Variants in EIF4ENIF1 observed in about 807,000 individuals in gnomAD.
EIF4ENIF1 encodes the protein eukaryotic translation initiation factor 4E nuclear import factor 1.
A neutral mutation model predicts 110.5 loss-of-function variants in EIF4ENIF1; 23 were observed. The ratio of observed to expected loss-of-function variants is 0.21; its 90% CI spans 0.15 to 0.29. EIF4ENIF1 has a LOEUF of 0.29. EIF4ENIF1 is among the 10% of genes least tolerant of loss of function. The pLI is 1.00. For synonymous variants in EIF4ENIF1, 440 were observed against 437.0 expected, an observed-to-expected ratio of 1.01 and a Z score of -0.09; for missense variants, 1,031 against 1,221.1, an observed-to-expected ratio of 0.84 and a Z score of 2.32.
rs192186061 is a variant in EIF4ENIF1 at position 31,479,803 on chromosome 22, T to C, written c.97-7886A>G. The stretch of plus-strand genomic sequence containing the variant: ...TAGCTCACTGCAGCCTCAAAACTCA[T>C]GGACTCAAGTGATCTTTCTTGCCTC... On this transcript the variant is annotated intron_variant, in intron 2 of 18. Transcript: ENST00000330125. Among the ~76,000 whole-genome samples the C allele has an allele frequency of 1.1e-4, 16 of 151,038 alleles. No individual in the cohort carries two copies. The East Asian group carries it at 1.8e-3, about 17-fold the overall frequency.
intron 10 of EIF4ENIF1, 23 bp from the exon 11 acceptor site, chr22:31,450,383 G>T: frequency 6.2e-7 from 1 of 1,601,830 alleles, no homozygotes; most frequent in South Asian, 1.1e-5. Flanking sequence ...AAAGAAAACT[G>T]GTTTTAACTT....
chr22:31,480,047 G>A (rs1212358462), intron 2 of EIF4ENIF1, among the ~76,000 whole-genome samples: 17 of 152,056 alleles, frequency 1.1e-4, no homozygotes, highest in Admixed American at 1.0e-3. Context: ...TACTGATCAC[G>A]AATGAATTCA....
intron 3 of EIF4ENIF1, among the ~76,000 whole-genome samples, chr22:31,471,356 C>T (rs1332810759): frequency 6.6e-6 from 1 of 151,456 alleles, no homozygotes; most frequent in Admixed American, 6.6e-5. Flanking sequence ...GCACTGTCGC[C>T]CAGGCTGGAG....
chr22:31,486,142 T>C (rs899769227), intron 2 of EIF4ENIF1, among the ~76,000 whole-genome samples: 1 of 151,772 alleles, frequency 6.6e-6, no homozygotes, highest in Non-Finnish European at 1.5e-5. Context: ...TGGTGGCACA[T>C]GCCTGTAATC....
Position 31,459,549 on chromosome 22 carries a change from GTCA to G in EIF4ENIF1, c.788-902_788-900del, listed in dbSNP as rs2050928295. Among the ~76,000 whole-genome samples, 3 of 152,166 alleles carry G rather than the reference GTCA, an allele frequency of 2.0e-5. No homozygotes were observed. In the South Asian group the frequency reaches 6.2e-4, roughly 32 times the overall value. On this transcript the variant is annotated intron_variant, in intron 6 of 18. Coordinates refer to ENST00000330125, the MANE Select transcript of EIF4ENIF1 (RefSeq NM_019843.4). ...TTGCTACCTTCTCTATAATCCTTATGTCATCTCTGAGTACTTGTCACACTGTAT... is the reference window on the plus strand; with the variant it reads ...TTGCTACCTTCTCTATAATCCTTATGTCTCTGAGTACTTGTCACACTGTAT...
At position 31,480,522 on chromosome 22, in the gene EIF4ENIF1, G is replaced by A. The variant is rs142239638; in HGVS notation, c.96+8101C>T. ...CCTGTAATCCCAGCACTTTGGGAGG[G>A]TGAGACGGGCAGATCACCTGAGGTC... On this transcript the variant is annotated intron_variant, in intron 2 of 18. Coordinates refer to ENST00000330125, the MANE Select transcript of EIF4ENIF1 (RefSeq NM_019843.4). Among the ~76,000 whole-genome samples the A allele has an allele frequency of 3.8e-4, 58 of 152,176 alleles. No individual in the cohort carries two copies. The East Asian group carries it at 0.011, about 29-fold the overall frequency.
chr22:31,477,652 A>G (rs993156806), intron 2 of EIF4ENIF1, among the ~76,000 whole-genome samples: 2 of 152,248 alleles, frequency 1.3e-5, no homozygotes, highest in African/African-American at 4.8e-5. Flanking sequence ...GTAGCAAGCT[A>G]GTTACACACT....
At chr22:31,458,724 A>C (rs1046255443) in intron 6 of EIF4ENIF1, 74 bp from the exon 7 acceptor site, 15 of 1,386,006 alleles carry the variant, frequency 1.1e-5, no homozygotes, top group Non-Finnish European at 1.4e-5. Context: ...TTCAGCCATC[A>C]GTATACATGT....
chr22:31,441,550 GAAAAAAAAAAA>G (rs771597260), intron 17 of EIF4ENIF1, among the ~76,000 whole-genome samples: 3 of 65,254 alleles, frequency 4.6e-5, no homozygotes, highest in South Asian at 5.2e-4. Flanking sequence ...CTACAAAAAG[GAAAAAAAAAAA>G]AAAAAAAAAA....
intron 7 of EIF4ENIF1, among the ~76,000 whole-genome samples, chr22:31,457,833 T>C (rs2050874973): frequency 6.6e-6 from 1 of 152,192 alleles, no homozygotes; most frequent in African/African-American, 2.4e-5. Context: ...GTGCACTAAT[T>C]TTGTATTAAT....
intron 14 of EIF4ENIF1, among the ~76,000 whole-genome samples, chr22:31,445,462 T>C (rs1476673988): frequency 6.6e-6 from 1 of 152,188 alleles, no homozygotes; most frequent in Non-Finnish European, 1.5e-5. Context: ...TAGTACCCCA[T>C]TGCTGCCATG....
chr22:31,450,639 A>G, intron 10 of EIF4ENIF1: 1 of 320,960 alleles, frequency 3.1e-6, no homozygotes, highest in South Asian at 3.2e-5. Context: ...TGTGACCAAA[A>G]GGGGGAAAAA....
rs570125045 is a variant in EIF4ENIF1 at position 31,451,029 on chromosome 22, T to C, written c.1513-669A>G. Reference sequence around the variant, plus strand: ...CTGAGTAGCTGGGACTACAGGTGTATGCCACCACACCCAACTAATTTTTAT... The same window carrying C: ...CTGAGTAGCTGGGACTACAGGTGTACGCCACCACACCCAACTAATTTTTAT... On this transcript the variant is annotated intron_variant, in intron 10 of 18. Coordinates refer to ENST00000330125, the MANE Select transcript of EIF4ENIF1 (RefSeq NM_019843.4). The C allele has an allele frequency of 2.0e-5, 3 of 152,422 alleles. No individual in the cohort carries two copies. In the East Asian group the frequency reaches 5.8e-4, roughly 29 times the overall value. 9.4% of individuals were successfully genotyped at this position (152,422 alleles called of 1,614,324 possible). A position where few individuals can be genotyped will look rare whatever the true frequency, so the allele number is the denominator to read the frequency against.
intron 5 of EIF4ENIF1, 62 bp downstream of exon 5, chr22:31,463,619 C>A (rs1462944913): frequency 2.1e-6 from 3 of 1,455,202 alleles, no homozygotes; most frequent in Non-Finnish European, 2.7e-6. Flanking sequence ...GCACTCCAGC[C>A]TGGGCAACAA....
intron 7 of EIF4ENIF1, 52 bp from the exon 8 acceptor site, chr22:31,456,039 A>G (rs1244368683): frequency 6.3e-7 from 1 of 1,593,002 alleles, no homozygotes; most frequent in East Asian, 2.2e-5. Flanking sequence ...AAAGGACAAG[A>G]AGGTTTAAAT....
intron 2 of EIF4ENIF1, among the ~76,000 whole-genome samples, chr22:31,483,485 G>A (rs1349867251): frequency 1.3e-5 from 2 of 151,930 alleles, no homozygotes; most frequent in African/African-American, 2.4e-5. Flanking sequence ...TTACAAGTGT[G>A]AGCCACCACA....
intron 4 of EIF4ENIF1, among the ~76,000 whole-genome samples, chr22:31,466,851 A>T (rs949375038): frequency 1.3e-5 from 2 of 152,130 alleles, no homozygotes; most frequent in African/African-American, 4.8e-5. Context: ...CATACAAAAA[A>T]TGTCTTCCTA....
chr22:31,470,685 CTT>C (rs1174357066), intron 3 of EIF4ENIF1, among the ~76,000 whole-genome samples: 23 of 122,012 alleles, frequency 1.9e-4, no homozygotes, highest in South Asian at 2.7e-4. Flanking sequence ...TTAAATAGGA[CTT>C]TTTTTTTTTT....
intron 10 of EIF4ENIF1, chr22:31,451,390 C>T (rs1197157999): frequency 6.6e-6 from 1 of 152,346 alleles, no homozygotes; most frequent in East Asian, 1.9e-4. Flanking sequence ...TCTCCTGCCT[C>T]AGCCTCCTGA....
Sources: gnomAD v4.1 joint callset for allele counts (sites outside exome capture counted in the v4.1 genomes callset) on GRCh38, gnomAD v4.1.1 for gene constraint, MANE v1.5 for transcripts, NCBI Gene and HGNC (gene_info 2026-07-23, HGNC 2026-07-21) for gene names.